Variants in GEN1 observed in about 807,000 individuals in gnomAD.
The protein encoded by GEN1 is flap endonuclease GEN homolog 1.
In GEN1, 64 loss-of-function variants were observed where a neutral mutation model predicts 67.6. The ratio of observed to expected loss-of-function variants is 0.95; its 90% CI spans 0.77 to 1.17. The LOEUF (loss-of-function observed/expected upper bound fraction) is 1.17, where lower values mean the gene tolerates loss of function less well. Ranked by LOEUF, GEN1 falls within the 50% of genes most tolerant of loss-of-function variation. The pLI, the probability that GEN1 is intolerant of heterozygous loss-of-function variation, is 0.00. For missense variants in GEN1, 1,058 were observed against 1,048.3 expected (o/e 1.01, Z -0.13); for synonymous variants, 371 against 359.4 (o/e 1.03, Z -0.37).
At chr2:17,778,675 C>T (rs1174562972) in intron 12 of GEN1, among the ~76,000 whole-genome samples, 1 of 151,838 alleles carries the variant, frequency 6.6e-6, no homozygotes, top group Admixed American at 6.6e-5. Context: ...TTATATTTCT[C>T]AAATACATGC....
At chr2:17,779,108 A>G (rs1672697987) in intron 12 of GEN1, among the ~76,000 whole-genome samples, 1 of 152,100 alleles carries the variant, frequency 6.6e-6, no homozygotes, top group Non-Finnish European at 1.5e-5. Context: ...TTTTTAGTAG[A>G]GATGGAGTTT....
At chr2:17,765,187 A>G (rs1273961238) in intron 4 of GEN1, 114 bp downstream of exon 4, 10 of 891,138 alleles carry the variant, frequency 1.1e-5, no homozygotes, top group Non-Finnish European at 1.6e-5. Context: ...GCACGTAGCA[A>G]TTGCTAATTA....
intron 11 of GEN1, among the ~76,000 whole-genome samples, chr2:17,776,658 C>T (rs183818207): frequency 9.2e-5 from 14 of 152,314 alleles, no homozygotes; most frequent in Admixed American, 8.5e-4. Context: ...GATCAGCTAT[C>T]TGATAGCACA....
At chr2:17,762,173 C>CT (rs202127879) in intron 3 of GEN1, among the ~76,000 whole-genome samples, 3,096 of 134,406 alleles carry the variant, frequency 0.023, 79 homozygotes, top group African/African-American at 0.064. Context: ...CAATAGGAAG[C>CT]TTTTTTTTTT....
At chr2:17,765,275 A>G in intron 4 of GEN1, 1 of 508,606 alleles carries the variant, frequency 2.0e-6, no homozygotes, top group Admixed American at 4.0e-5. Flanking sequence ...TAAGAACTTG[A>G]CTTGTTTGTT....
chr2:17,781,105 A>G lies in GEN1; in HGVS notation c.1893A>G (p.Gln631=), dbSNP rs753065286. Residue 631 remains glutamine, a synonymous_variant, in exon 14 of 14, where the codon CAA becomes CAG. Transcript: ENST00000381254. The part of the protein sequence containing the change: ...IPDGFENIPE[Q]LSCESERYTA... ...ATGGCTTTGAAAATATCCCAGAACA[A>G]CTGTCCTGTGAATCAGAAAGGTACA... 20 of 1,613,438 alleles carry G rather than the reference A, an allele frequency of 1.2e-5. No homozygotes were observed. The highest frequency in any genetic ancestry group is 8.5e-7 in the Non-Finnish European group (1 of 1,179,538).
chr2:17,780,160 A>C, intron 13 of GEN1, 39 bp downstream of exon 13: 1 of 1,541,880 alleles, frequency 6.5e-7, no homozygotes, highest in Non-Finnish European at 8.9e-7. Flanking sequence ...GCCACATGCA[A>C]ATGTTATAGA....
chr2:17,764,547 T>A (rs1671832024), intron 3 of GEN1, among the ~76,000 whole-genome samples: 1 of 152,210 alleles, frequency 6.6e-6, no homozygotes, highest in East Asian at 1.9e-4. Flanking sequence ...TCTTGGCTCA[T>A]CTTGTTTCAT....
At chr2:17,778,138 GTATA>G (rs10535305) in intron 12 of GEN1, 75 bp downstream of exon 12, 257 of 540,640 alleles carry the variant, frequency 4.8e-4, no homozygotes, top group Middle Eastern at 7.4e-4. Flanking sequence ...TTGTATATGT[GTATA>G]TATATATATA....
rs78135354 is a variant in GEN1, at chr2:17,773,985, G to A, written c.1072-286G>A. 0.049 allele frequency among the ~76,000 whole-genome samples: 7,518 copies of A among 152,068 alleles called. 205 individuals are homozygous for A. Among genetic ancestry groups the A allele is most frequent in the Middle Eastern group, 0.092 (27 of 292 alleles). On this transcript the variant is annotated intron_variant, in intron 10 of 13. Transcript: ENST00000381254. ...TCAATCTTTGTAATCTGTGAAGTGG[G>A]TTGTAATATTTTCACATTACAGATG...
intron 4 of GEN1, among the ~76,000 whole-genome samples, chr2:17,766,002 AT>A (rs761334346): frequency 6.6e-6 from 1 of 151,772 alleles, no homozygotes; most frequent in South Asian, 2.1e-4. Flanking sequence ...GGAAATCTAC[AT>A]TTTTTAGACA....
At position 17,773,269 on chromosome 2, in the gene GEN1, G is replaced by C. The variant is rs779725254; in HGVS notation, c.1041G>C (p.Arg347Ser). Reference protein sequence around the residue: ...LNKDKLVKVIRYQRPDLLLFQ... With the variant: ...LNKDKLVKVISYQRPDLLLFQ... The stretch of plus-strand genomic sequence containing the variant: ...AGGATAAATTGGTGAAGGTTATCAG[G>C]TACCAAAGACCTGATTTGTTATTGT... Residue 347 changes from arginine to serine, a missense_variant, in exon 10 of 14, where the codon AGG becomes AGC. Physicochemically the swap from Arg to Ser is moderately radical, Grantham distance 110. Transcript: ENST00000381254. 2 of 1,599,786 alleles carry C rather than the reference G, an allele frequency of 1.3e-6. No individual in the cohort carries two copies. The highest frequency in any genetic ancestry group is 1.7e-6 in the Non-Finnish European group (2 of 1,170,810).
At chr2:17,755,698 T>C (rs905369969) in intron 1 of GEN1, 1 of 152,202 alleles carries the variant, frequency 6.6e-6, no homozygotes, top group Non-Finnish European at 1.5e-5. Context: ...TTTCTAATGT[T>C]TTTCTTAAAG....
chr2:17,779,314 G>C (rs889280076), intron 12 of GEN1, among the ~76,000 whole-genome samples: 4 of 152,138 alleles, frequency 2.6e-5, no homozygotes, highest in Non-Finnish European at 5.9e-5. Context: ...TTAGGAAACT[G>C]TTTCATTTCT....
chr2:17,777,323 CATGATG>C (rs551982918), intron 11 of GEN1, among the ~76,000 whole-genome samples: 3 of 151,788 alleles, frequency 2.0e-5, no homozygotes, highest in African/African-American at 7.3e-5. Flanking sequence ...ATGATTAATA[CATGATG>C]ATGATGATGA....
At chr2:17,762,873 G>T (rs907842047) in intron 3 of GEN1, among the ~76,000 whole-genome samples, 2 of 152,220 alleles carry the variant, frequency 1.3e-5, no homozygotes, top group Non-Finnish European at 1.5e-5. Context: ...TAATGCAGAT[G>T]TCAGAGAAGC....
intron 4 of GEN1, among the ~76,000 whole-genome samples, chr2:17,765,390 A>G (rs1671878770): frequency 6.6e-6 from 1 of 152,240 alleles, no homozygotes; most frequent in African/African-American, 2.4e-5. Context: ...CATCCTCAGA[A>G]ATACCTCCAA....
chr2:17,756,974 T>C (rs1430319716), intron 1 of GEN1, among the ~76,000 whole-genome samples: 2 of 152,220 alleles, frequency 1.3e-5, no homozygotes, highest in Non-Finnish European at 2.9e-5. Flanking sequence ...TGGAAAACAA[T>C]TGATGATGGA....
chr2:17,764,742 C>A (rs1287241316), intron 3 of GEN1, among the ~76,000 whole-genome samples, 155 bp from the exon 4 acceptor site: 1 of 152,192 alleles, frequency 6.6e-6, no homozygotes, highest in East Asian at 1.9e-4. Flanking sequence ...AATATTCAGT[C>A]ATTGTTCAAA....
Sources: allele counts gnomAD v4.1 joint callset (sites outside exome capture counted in the v4.1 genomes callset), GRCh38; gene constraint gnomAD v4.1.1; transcripts MANE v1.5; gene names NCBI Gene and HGNC (gene_info 2026-07-23, HGNC 2026-07-21).